MDFIC: variants seen among roughly 807,000 people sequenced by gnomAD.
The protein encoded by MDFIC is MyoD family inhibitor domain containing.
In MDFIC, 17 loss-of-function variants were observed where a neutral mutation model predicts 23.2. That is an observed-to-expected ratio of 0.73 (90% CI 0.50 to 1.10). MDFIC has a LOEUF of 1.10. Among genes scored for constraint, MDFIC ranks in the 50% least tolerant of loss-of-function variants. The pLI is 0.00. For missense variants in MDFIC, 356 were observed against 316.6 expected (o/e 1.12, Z -0.95); for synonymous variants, 120 against 115.2 (o/e 1.04, Z -0.27).
intron 3 of MDFIC, among the ~76,000 whole-genome samples, chr7:114,972,019 G>A (rs1008253449): frequency 4.6e-5 from 7 of 152,152 alleles, no homozygotes; most frequent in African/African-American, 1.7e-4. Context: ...ATTATGTAGA[G>A]GAGGATAAGG....
rs150854365 is a variant in MDFIC, at chr7:114,979,634, G to C, written c.346G>C (p.Gly116Arg). Residue 116 changes from glycine to arginine, a missense_variant, in exon 4 of 5, where the codon GGA becomes CGA. Coordinates refer to ENST00000393486, the MANE Select transcript of MDFIC (RefSeq NM_001166345.3). ...TGGAATTCACCACGGGGCCAAACAC[G>C]GATCCGCAGATAATCGCAAACTTTC... ...GNGIHHGAKH[G>R]SADNRKLSAP... The C allele has an allele frequency of 2.5e-6, 4 of 1,613,984 alleles. No individual in the cohort carries two copies. Among genetic ancestry groups the C allele is most frequent in the Non-Finnish European group, 3.4e-6 (4 of 1,179,984 alleles).
intron 4 of MDFIC, among the ~76,000 whole-genome samples, chr7:114,981,334 T>C (rs1430173768): frequency 1.3e-5 from 2 of 152,258 alleles, no homozygotes; most frequent in Middle Eastern, 3.2e-3. Context: ...TTTTTATTAT[T>C]GCTTGCCTTT....
Position 114,961,906 on chromosome 7 carries a change from T to C in MDFIC, c.218-17600T>C, listed in dbSNP as rs973381211. On this transcript the variant is annotated intron_variant, in intron 3 of 4. Coordinates refer to ENST00000393486, the MANE Select transcript of MDFIC (RefSeq NM_001166345.3). ...ATCCAAACCATGTCACTCCTGCAGGTTAATTTCACTCTAACTGAATGTTTC... is the reference window on the plus strand; with the variant it reads ...ATCCAAACCATGTCACTCCTGCAGGCTAATTTCACTCTAACTGAATGTTTC... 2.0e-5 allele frequency among the ~76,000 whole-genome samples: 3 copies of C among 152,242 alleles called. No individual in the cohort carries two copies. In the East Asian group the frequency reaches 5.8e-4, roughly 29 times the overall value.
intron 3 of MDFIC, among the ~76,000 whole-genome samples, chr7:114,953,388 A>G (rs1792818621): frequency 6.6e-6 from 1 of 152,228 alleles, no homozygotes; most frequent in Non-Finnish European, 1.5e-5. Flanking sequence ...CATAAAGGCT[A>G]CATGTGTTTG....
At chr7:115,002,411 C>A (rs753657700) in intron 4 of MDFIC, among the ~76,000 whole-genome samples, 1 of 152,202 alleles carries the variant, frequency 6.6e-6, no homozygotes, top group African/African-American at 2.4e-5. Flanking sequence ...AATCCCTCCA[C>A]AGAACTTCAA....
chr7:115,007,630 G>GTGTGTGTGTATATATATATA (rs369718965), intron 4 of MDFIC, among the ~76,000 whole-genome samples: 19 of 132,930 alleles, frequency 1.4e-4, no homozygotes, highest in African/African-American at 5.5e-4. Context: ...GCGTGTGTGT[G>GTGTGTGTGTATATATATATA]TATATATATA....
intron 4 of MDFIC, among the ~76,000 whole-genome samples, chr7:115,011,750 T>A (rs374231520): frequency 6.6e-6 from 1 of 152,208 alleles, no homozygotes; most frequent in South Asian, 2.1e-4. Flanking sequence ...CAAATGAATA[T>A]ATCCTATGGG....
chr7:114,923,227 G>T, intron 2 of MDFIC, 100 bp downstream of exon 2: 1 of 1,425,092 alleles, frequency 7.0e-7, no homozygotes, highest in Non-Finnish European at 9.5e-7. Flanking sequence ...GCTGTGAGGA[G>T]GGGCTCCCAC....
chr7:114,995,821 G>T lies in MDFIC; in HGVS notation c.493+16040G>T, dbSNP rs984745707. 3.3e-5 allele frequency among the ~76,000 whole-genome samples: 5 copies of T among 152,266 alleles called. No homozygotes were observed. The South Asian group carries it at 1.0e-3, about 32-fold the overall frequency. On this transcript the variant is annotated intron_variant, in intron 4 of 4. Coordinates refer to ENST00000393486, the MANE Select transcript of MDFIC (RefSeq NM_001166345.3). ...ACCCACTTGAGGAGGCAGTCTGTCC[G>T]TTCTCAGATCTCAAACTCTGTGCTG...
At chr7:114,936,053 A>G (rs1247979134) in intron 2 of MDFIC, among the ~76,000 whole-genome samples, 1 of 152,072 alleles carries the variant, frequency 6.6e-6, no homozygotes, top group African/African-American at 2.4e-5. Context: ...TTCCACATCC[A>G]CCTTACGAGG....
Position 114,971,515 on chromosome 7 carries a change from T to C in MDFIC, c.218-7991T>C, listed in dbSNP as rs184254104. 6.6e-5 allele frequency among the ~76,000 whole-genome samples: 10 copies of C among 152,314 alleles called. No individual in the cohort carries two copies. In the East Asian group the frequency reaches 1.9e-3, roughly 29 times the overall value. On this transcript the variant is annotated intron_variant, in intron 3 of 4. Coordinates refer to ENST00000393486, the MANE Select transcript of MDFIC (RefSeq NM_001166345.3). ...CTGCATCTATCTAAGTTTGTCAATA[T>C]ATTCATTGAATTGAAACCTGAGAGT...
rs1305299888 is a variant in MDFIC, at chr7:114,922,922, G to A, written c.-107-5G>A. The A allele has an allele frequency of 1.3e-6, 2 of 1,584,552 alleles. No homozygotes were observed. Among genetic ancestry groups the A allele is most frequent in the Admixed American group, 3.4e-5 (2 of 58,000 alleles). On this transcript the variant is annotated splice_region_variant and splice_polypyrimidine_tract_variant and intron_variant, in intron 1 of 4. Coordinates refer to ENST00000393486, the MANE Select transcript of MDFIC (RefSeq NM_001166345.3). ...TTTTTTTAATTTTGTATATTTTTCC[G>A]CCAGAAGCAGTCAGTTCCCTGCACC...
chr7:114,947,876 G>C (rs1404102984), intron 3 of MDFIC, among the ~76,000 whole-genome samples: 1 of 152,174 alleles, frequency 6.6e-6, no homozygotes, highest in Admixed American at 6.5e-5. Flanking sequence ...AAATGAGTAA[G>C]CACACACTGA....
intron 4 of MDFIC, among the ~76,000 whole-genome samples, chr7:115,009,207 A>T (rs191591546): frequency 6.6e-6 from 1 of 152,054 alleles, no homozygotes; most frequent in South Asian, 2.1e-4. Context: ...TTTATTAGAG[A>T]TAAGATAAGA....
At chr7:115,008,177 C>CTA (rs755650140) in intron 4 of MDFIC, among the ~76,000 whole-genome samples, 8 of 152,006 alleles carry the variant, frequency 5.3e-5, no homozygotes, top group Non-Finnish European at 1.0e-4. Context: ...CTCTGCTATC[C>CTA]TCTCGCTGTC....
chr7:114,995,030 G>A (rs540483669), intron 4 of MDFIC, among the ~76,000 whole-genome samples: 1 of 152,220 alleles, frequency 6.6e-6, no homozygotes, highest in South Asian at 2.1e-4. Context: ...CATATTTCTT[G>A]GAGACTTTGT....
intron 3 of MDFIC, among the ~76,000 whole-genome samples, chr7:114,946,741 C>T (rs1792653328): frequency 1.3e-5 from 2 of 152,164 alleles, no homozygotes; most frequent in Non-Finnish European, 1.5e-5. Context: ...CACACTTGCT[C>T]ACCCTTATGG....
chr7:114,968,061 C>T (rs1407662131), intron 3 of MDFIC, among the ~76,000 whole-genome samples: 2 of 152,118 alleles, frequency 1.3e-5, no homozygotes, highest in Non-Finnish European at 1.5e-5. Flanking sequence ...AAGGGATCCT[C>T]CTGCCTCAGC....
At chr7:114,959,957 A>G (rs1792954681) in intron 3 of MDFIC, among the ~76,000 whole-genome samples, 3 of 152,098 alleles carry the variant, frequency 2.0e-5, no homozygotes, top group African/African-American at 7.2e-5. Flanking sequence ...TAGACATTGT[A>G]AAGGTGCAGG....
Sources: gnomAD v4.1 joint callset for allele counts (sites outside exome capture counted in the v4.1 genomes callset) on GRCh38, gnomAD v4.1.1 for gene constraint, MANE v1.5 for transcripts, NCBI Gene and HGNC (gene_info 2026-07-23, HGNC 2026-07-21) for gene names.